Variants in KHDC1 observed in about 807,000 individuals in gnomAD.
The protein encoded by KHDC1 is KH domain containing 1.
In KHDC1, 21 loss-of-function variants were observed where a neutral mutation model predicts 24.7. The ratio of observed to expected loss-of-function variants is 0.85; its 90% CI spans 0.60 to 1.23. The LOEUF (loss-of-function observed/expected upper bound fraction) is 1.23, where lower values mean the gene tolerates loss of function less well. KHDC1 is among the 50% of genes most tolerant of loss of function. KHDC1 has a pLI of 0.00. For synonymous variants in KHDC1, 98 were observed against 111.7 expected, an observed-to-expected ratio of 0.88 and a Z score of 0.77; for missense variants, 274 against 298.5, an observed-to-expected ratio of 0.92 and a Z score of 0.61.
chr6:73,307,388 G>A (rs1767984326), intron 1 of KHDC1, among the ~76,000 whole-genome samples: 2 of 152,106 alleles, frequency 1.3e-5, no homozygotes, highest in African/African-American at 4.8e-5. Context: ...TCAGGCCACT[G>A]CACTCCAGCC....
chr6:73,270,858 T>G (rs1472403065), intron 2 of KHDC1, among the ~76,000 whole-genome samples: 2 of 151,676 alleles, frequency 1.3e-5, no homozygotes, highest in Non-Finnish European at 2.9e-5. Flanking sequence ...GCCTGGCTAA[T>G]TTTTTGTATT....
Position 73,272,384 on chromosome 6 carries a change from C to T in KHDC1, c.206+19614G>A, listed in dbSNP as rs1336767351. Among the ~76,000 whole-genome samples the T allele has an allele frequency of 2.7e-5, 4 of 148,578 alleles. 1 individual carries two copies. The highest frequency in any genetic ancestry group is 1.5e-5 in the Non-Finnish European group (1 of 67,118). On this transcript the variant is annotated intron_variant, in intron 2 of 4. Transcript: ENST00000370384. ...CTGACCTTGTGATCCGCCCACCCAC[C>T]CTGGCCTCCCAAAGTGCTGGGATTA...
chr6:73,294,766 C>T (rs547873213), intron 1 of KHDC1, among the ~76,000 whole-genome samples: 28 of 152,204 alleles, frequency 1.8e-4, no homozygotes, highest in Non-Finnish European at 2.8e-4. Flanking sequence ...TGGGGCCTCA[C>T]GGGAGTTGAC....
chr6:73,307,535 A>T (rs1346563136), intron 1 of KHDC1, among the ~76,000 whole-genome samples: 1 of 152,230 alleles, frequency 6.6e-6, no homozygotes, highest in Non-Finnish European at 1.5e-5. Context: ...AATTGCCCAC[A>T]CACACATCCA....
intron 2 of KHDC1, among the ~76,000 whole-genome samples, chr6:73,286,055 T>A (rs1452989477): frequency 1.3e-5 from 2 of 152,210 alleles, no homozygotes; most frequent in Non-Finnish European, 2.9e-5. Flanking sequence ...ATCCACATGA[T>A]TCAGCAAAAC....
intron 2 of KHDC1, among the ~76,000 whole-genome samples, chr6:73,260,018 G>A (rs1189042803): frequency 6.6e-6 from 1 of 152,102 alleles, no homozygotes. Context: ...TTGCATTTCA[G>A]TGAAAAGTAA....
intron 2 of KHDC1, among the ~76,000 whole-genome samples, chr6:73,247,120 G>A (rs1766682473): frequency 6.6e-6 from 1 of 151,930 alleles, no homozygotes; most frequent in African/African-American, 2.4e-5. Flanking sequence ...TGGGATTACA[G>A]GCATGAACCA....
chr6:73,247,188 G>C (rs1479389935), intron 2 of KHDC1, among the ~76,000 whole-genome samples: 1 of 151,854 alleles, frequency 6.6e-6, no homozygotes, highest in East Asian at 1.9e-4. Flanking sequence ...ATGTCGGCCA[G>C]GCTGGTCTCG....
intron 1 of KHDC1, among the ~76,000 whole-genome samples, chr6:73,307,759 T>C (rs1268104486): frequency 6.6e-6 from 1 of 152,128 alleles, no homozygotes; most frequent in Non-Finnish European, 1.5e-5. Context: ...ATGCATGCCT[T>C]GTGGAGATGA....
At chr6:73,253,310 C>T (rs1437427105) in intron 2 of KHDC1, among the ~76,000 whole-genome samples, 1 of 152,134 alleles carries the variant, frequency 6.6e-6, no homozygotes, top group African/African-American at 2.4e-5. Flanking sequence ...AATCCCAGCA[C>T]TTTGGGAGGC....
chr6:73,254,516 G>C (rs1310606400), intron 2 of KHDC1, among the ~76,000 whole-genome samples: 1 of 149,640 alleles, frequency 6.7e-6, no homozygotes, highest in African/African-American at 2.4e-5. Context: ...ATAAATAAAA[G>C]ACTACGTAGC....
intron 2 of KHDC1, chr6:73,290,492 G>A: frequency 2.8e-6 from 1 of 363,126 alleles, no homozygotes; most frequent in South Asian, 2.3e-5. Flanking sequence ...AAAAATGAAG[G>A]TGATGGCATC....
intron 1 of KHDC1, among the ~76,000 whole-genome samples, chr6:73,304,809 C>T (rs1767932972): frequency 6.6e-6 from 1 of 152,154 alleles, no homozygotes; most frequent in African/African-American, 2.4e-5. Context: ...CAGTCACCAA[C>T]ATAGCTGGTC....
At chr6:73,241,979 G>A (rs1477314781) in intron 4 of KHDC1, 76 bp downstream of exon 3, 14 of 1,465,980 alleles carry the variant, frequency 9.5e-6, no homozygotes, top group East Asian at 2.3e-5. Flanking sequence ...GATTCTTCAA[G>A]AATCCAAGAT....
At chr6:73,304,601 A>G (rs1767928965) in intron 1 of KHDC1, among the ~76,000 whole-genome samples, 4 of 152,300 alleles carry the variant, frequency 2.6e-5, no homozygotes, top group Admixed American at 1.3e-4. Context: ...TGCGCCAGCC[A>G]CTTTTGTTCA....
chr6:73,290,479 T>A (rs1767625704), intron 2 of KHDC1: 1 of 359,776 alleles, frequency 2.8e-6, no homozygotes, highest in Admixed American at 3.5e-5. Flanking sequence ...TGATAGTACA[T>A]CTAAAAATGA....
chr6:73,253,224 C>T (rs547033401), intron 2 of KHDC1, among the ~76,000 whole-genome samples: 2 of 152,202 alleles, frequency 1.3e-5, no homozygotes, highest in South Asian at 2.1e-4. Context: ...GTGGAAAAGG[C>T]GGATTACTCA....
intron 1 of KHDC1, among the ~76,000 whole-genome samples, chr6:73,297,205 A>G (rs1219800534): frequency 1.3e-5 from 2 of 151,950 alleles, no homozygotes; most frequent in Non-Finnish European, 2.9e-5. Flanking sequence ...CCAGCCTACT[A>G]TATATATATT....
intron 2 of KHDC1, among the ~76,000 whole-genome samples, chr6:73,282,580 A>G (rs912079362): frequency 6.6e-6 from 1 of 152,146 alleles, no homozygotes; most frequent in Non-Finnish European, 1.5e-5. Context: ...AAGGTTAGAA[A>G]TTATAGTTTA....
Sources: allele counts gnomAD v4.1 joint callset (sites outside exome capture counted in the v4.1 genomes callset), GRCh38; gene constraint gnomAD v4.1.1; transcripts MANE v1.5; gene names NCBI Gene and HGNC (gene_info 2026-07-23, HGNC 2026-07-21).